Variants in CORO7 observed in about 807,000 individuals in gnomAD.
The protein encoded by CORO7 is coronin-7.
A neutral mutation model predicts 126.6 loss-of-function variants in CORO7; 107 were observed. The observed-to-expected ratio is 0.85, with a 90% CI of 0.72 to 0.99. CORO7 has a LOEUF of 0.99. CORO7 is among the 50% of genes least tolerant of loss of function. The pLI is 0.00. For synonymous variants in CORO7, 603 were observed against 536.8 expected (o/e 1.12, Z -1.70); for missense variants, 1,314 against 1,255.8 (o/e 1.05, Z -0.70).
chr16:4,370,567 G>C (rs919068710), intron 9 of CORO7, among the ~76,000 whole-genome samples: 7 of 152,250 alleles, frequency 4.6e-5, no homozygotes, highest in African/African-American at 1.7e-4. Context: ...AGGTCCGCAA[G>C]CCATGCCCTA....
rs745906349 is a variant in CORO7 at position 4,407,604 on chromosome 16, T to G, written c.384A>C (p.Pro128=). 15 of 1,597,656 alleles carry G rather than the reference T, an allele frequency of 9.4e-6. No individual in the cohort carries two copies. In the South Asian group the frequency reaches 1.4e-4, roughly 14 times the overall value. Residue 128 remains proline, a synonymous_variant, in exon 5 of 28, where the codon CCA becomes CCC. Coordinates refer to ENST00000251166, the MANE Select transcript of CORO7 (RefSeq NM_024535.5). ...PGVVLGPEDL[P]VEVLQFHPTS... ...TGGGGTGGAACTGCAGTACCTCCAC[T>G]GGGAGGTCCTCGGGGCCCAGCACCA...
chr16:4,383,007 T>G (rs1219130859), intron 9 of CORO7: 3 of 1,227,088 alleles, frequency 2.4e-6, no homozygotes, highest in Non-Finnish European at 3.3e-6. Flanking sequence ...CGGGGATGTG[T>G]GCAGACAGGG....
chr16:4,409,250 G>C (rs1318113444), intron 3 of CORO7, among the ~76,000 whole-genome samples: 3 of 152,230 alleles, frequency 2.0e-5, no homozygotes, highest in Non-Finnish European at 4.4e-5. Context: ...ACGTGCACAG[G>C]CACATCTTGG....
At chr16:4,389,509 C>A (rs2055312766) in intron 7 of CORO7, among the ~76,000 whole-genome samples, 1 of 152,358 alleles carries the variant, frequency 6.6e-6, no homozygotes, top group South Asian at 2.1e-4. Flanking sequence ...AAGCAGCCTG[C>A]GAGGAGCTGG....
chr16:4,360,016 TCC>T (rs2054111452), intron 21 of CORO7, among the ~76,000 whole-genome samples: 6 of 125,766 alleles, frequency 4.8e-5, no homozygotes, highest in Admixed American at 4.2e-4. Context: ...CCCCAACTCA[TCC>T]ATCGATCTCT....
chr16:4,370,715 A>T (rs535214245), intron 9 of CORO7, among the ~76,000 whole-genome samples: 1 of 152,360 alleles, frequency 6.6e-6, no homozygotes, highest in African/African-American at 2.4e-5. Context: ...CTTGACGGCT[A>T]GACACAGAGG....
At chr16:4,412,863 T>A (rs1596345043) in intron 2 of CORO7, 1 of 223,582 alleles carries the variant, frequency 4.5e-6, no homozygotes, top group East Asian at 1.0e-4. Context: ...GATCTCTTAG[T>A]TAGGCTGAAA....
intron 26 of CORO7, chr16:4,355,583 C>A: frequency 1.8e-6 from 1 of 561,078 alleles, no homozygotes; most frequent in Admixed American, 3.1e-5. Context: ...ACTGTCCTGC[C>A]TCAGCCTCCC....
chr16:4,359,090 A>G, intron 23 of CORO7: 1 of 619,136 alleles, frequency 1.6e-6, no homozygotes, highest in Non-Finnish European at 2.7e-6. Context: ...ATTTTTAATA[A>G]TGGTTGAGTA....
chr16:4,382,796 G>C (rs754305537), intron 9 of CORO7: 2 of 1,587,844 alleles, frequency 1.3e-6, no homozygotes, highest in Non-Finnish European at 1.7e-6. Flanking sequence ...GCAACAGAGG[G>C]CGGTGGAGAG....
intron 1 of CORO7, 182 bp from the exon 2 acceptor site, chr16:4,413,586 A>G: frequency 3.6e-6 from 2 of 553,972 alleles, no homozygotes; most frequent in Non-Finnish European, 6.2e-6. Flanking sequence ...CACCCAGGCT[A>G]GAGTGCAGTG....
At chr16:4,390,915 G>C (rs1292292224) in intron 7 of CORO7, among the ~76,000 whole-genome samples, 4 of 152,240 alleles carry the variant, frequency 2.6e-5, no homozygotes. Context: ...TCTGCTTCCA[G>C]CAAACATCCT....
intron 14 of CORO7, among the ~76,000 whole-genome samples, chr16:4,363,434 T>C (rs1029218368): frequency 2.7e-5 from 4 of 148,634 alleles, no homozygotes; most frequent in African/African-American, 1.0e-4. Context: ...TAGCCAGGCG[T>C]GGTGGTGCGC....
At chr16:4,382,559 C>A in intron 9 of CORO7, 1 of 1,593,496 alleles carries the variant, frequency 6.3e-7, no homozygotes, top group South Asian at 1.1e-5. Context: ...GCCGTCCACT[C>A]CAACCACGCC....
At chr16:4,412,454 T>A in intron 2 of CORO7, 24 bp from the exon 3 acceptor site, 1 of 1,613,666 alleles carries the variant, frequency 6.2e-7, no homozygotes, top group Non-Finnish European at 8.5e-7. Context: ...ACGGGGACTC[T>A]GACTTCAGGC....
intron 8 of CORO7, 125 bp downstream of exon 8, chr16:4,388,420 G>T (rs1251329710): frequency 3.2e-5 from 34 of 1,070,816 alleles, no homozygotes; most frequent in Non-Finnish European, 4.2e-5. Flanking sequence ...GCACAGCCAG[G>T]CCGTATATGG....
intron 16 of CORO7, 168 bp downstream of exon 16, chr16:4,361,804 CTGTAAAATGGGGA>C: frequency 2.0e-6 from 2 of 1,017,226 alleles, no homozygotes; most frequent in Non-Finnish European, 3.0e-6. Flanking sequence ...TCTCCCTCAT[CTGTAAAATGGGGA>C]TAAAAGTGGC....
At chr16:4,410,410 G>A (rs764720115) in intron 3 of CORO7, among the ~76,000 whole-genome samples, 24 of 152,264 alleles carry the variant, frequency 1.6e-4, no homozygotes, top group African/African-American at 5.3e-4. Flanking sequence ...GGATGACAGA[G>A]ACAGAGACCC....
chr16:4,356,934 G>T, intron 26 of CORO7: 1 of 590,414 alleles, frequency 1.7e-6, no homozygotes, highest in Non-Finnish European at 3.0e-6. Context: ...AGAACTGCCG[G>T]CTTAGGCTGG....
Sources: gnomAD v4.1 joint callset for allele counts (sites outside exome capture counted in the v4.1 genomes callset) on GRCh38, gnomAD v4.1.1 for gene constraint, MANE v1.5 for transcripts, NCBI Gene and HGNC (gene_info 2026-07-23, HGNC 2026-07-21) for gene names.